The following COMMD9 variants were observed in gnomAD, a reference collection of about 807,000 sequenced individuals.
The protein encoded by COMMD9 is COMM domain containing 9, also known as COMM domain-containing protein 9.
A neutral mutation model predicts 23.4 loss-of-function variants in COMMD9; 22 were observed. The observed-to-expected ratio is 0.94, with a 90% CI of 0.67 to 1.34. The LOEUF (loss-of-function observed/expected upper bound fraction) is 1.34. COMMD9 is among the 40% of genes most tolerant of loss of function. The probability of loss-of-function intolerance (pLI) is 0.00; values close to 1 mark genes in which losing one functional copy is unlikely to be tolerated. For synonymous variants in COMMD9, 99 were observed against 97.4 expected (o/e 1.02, Z -0.10); for missense variants, 231 against 240.2 (o/e 0.96, Z 0.25).
At chr11:36,275,605 G>A (rs7124904) in intron 5 of COMMD9, among the ~76,000 whole-genome samples, 76,422 of 151,942 alleles carry the variant, frequency 0.5, 21,352 homozygotes, top group Non-Finnish European at 0.63. Flanking sequence ...CACCACGCCC[G>A]GCTTATTTTT....
intron 1 of COMMD9, among the ~76,000 whole-genome samples, chr11:36,285,542 C>T (rs182540981): frequency 2.6e-5 from 4 of 152,044 alleles, no homozygotes; most frequent in Admixed American, 6.6e-5. Flanking sequence ...ATACCAAAAC[C>T]GCACAAAATT....
At chr11:36,278,436 A>G in intron 3 of COMMD9, 41 bp downstream of exon 3, 1 of 1,542,134 alleles carries the variant, frequency 6.5e-7, no homozygotes. Flanking sequence ...ATAATAAGAA[A>G]TGTAAAAGTT....
At chr11:36,277,768 G>A (rs1006093099) in intron 3 of COMMD9, among the ~76,000 whole-genome samples, 3 of 151,982 alleles carry the variant, frequency 2.0e-5, no homozygotes, top group Admixed American at 2.0e-4. Flanking sequence ...AAAGATATCT[G>A]ACATCACTAG....
At chr11:36,288,648 T>C (rs1010442075) in intron 1 of COMMD9, among the ~76,000 whole-genome samples, 4 of 151,872 alleles carry the variant, frequency 2.6e-5, no homozygotes, top group East Asian at 1.9e-4. Context: ...TAAAAATACA[T>C]AAATTTGCCA....
chr11:36,274,109 G>A lies in COMMD9; in HGVS notation c.*523C>T. On this transcript the variant is annotated 3_prime_UTR_variant, in exon 6 of 6. Transcript: ENST00000263401. Reference sequence around the variant, plus strand: ...CTACACTGAAGAGGGGTTCCAGTATGGTGGAGGGGGCTCAGGGAACACTCT... The same window carrying A: ...CTACACTGAAGAGGGGTTCCAGTATAGTGGAGGGGGCTCAGGGAACACTCT... 2 of 374,802 alleles carry A rather than the reference G, an allele frequency of 5.3e-6. No homozygotes were observed. Among genetic ancestry groups the A allele is most frequent in the South Asian group, 1.9e-5 (1 of 51,522 alleles). 23.2% of individuals were successfully genotyped at this position (374,802 alleles called of 1,614,324 possible).
At chr11:36,276,983 G>T in intron 4 of COMMD9, 106 bp downstream of exon 4, 1 of 955,732 alleles carries the variant, frequency 1.0e-6, no homozygotes, top group Non-Finnish European at 1.5e-6. Flanking sequence ...GTTGAGACTA[G>T]AATGGTTCAC....
chr11:36,285,613 T>C (rs1368902865), intron 1 of COMMD9, among the ~76,000 whole-genome samples: 2 of 152,036 alleles, frequency 1.3e-5, no homozygotes, highest in Admixed American at 6.5e-5. Context: ...GCGAAAATTC[T>C]TAGAAAATAA....
chr11:36,286,045 G>A (rs1309561017), intron 1 of COMMD9, among the ~76,000 whole-genome samples: 1 of 152,006 alleles, frequency 6.6e-6, no homozygotes, highest in Non-Finnish European at 1.5e-5. Context: ...CTAAAATAAG[G>A]CAAGGAAAGG....
chr11:36,283,682 C>CA (rs1856102598), intron 1 of COMMD9, among the ~76,000 whole-genome samples: 1 of 151,940 alleles, frequency 6.6e-6, no homozygotes, highest in Non-Finnish European at 1.5e-5. Flanking sequence ...AGGCAGAAAA[C>CA]AAAAATAAAA....
Position 36,289,390 on chromosome 11 carries a change from T to A in COMMD9, c.23A>T (p.His8Leu), listed in dbSNP as rs767840422. The change falls in exon 1 of 6, where the codon CAT becomes CTT. Residue 8 changes from histidine to leucine, a missense_variant. Physicochemically the swap from His to Leu is moderately conservative, Grantham distance 99 (BLOSUM62 -3). Coordinates refer to ENST00000263401, the MANE Select transcript of COMMD9 (RefSeq NM_014186.4). Reference sequence around the variant, plus strand: ...GAGCAGGCTCTGGAGTGCTGCAAAATGCTCCGCTGTCAGGGCAGCCATCTT... The same window carrying A: ...GAGCAGGCTCTGGAGTGCTGCAAAAAGCTCCGCTGTCAGGGCAGCCATCTT... MAALTAE[H>L]FAALQSLLKA... 2.6e-6 allele frequency: 4 copies of A among 1,551,850 alleles called. No individual in the cohort carries two copies. The African/African-American group carries it at 4.1e-5, about 16-fold the overall frequency.
intron 5 of COMMD9, among the ~76,000 whole-genome samples, chr11:36,275,604 C>T (rs1000980098): frequency 1.3e-5 from 2 of 152,102 alleles, no homozygotes; most frequent in African/African-American, 2.4e-5. Context: ...CCACCACGCC[C>T]GGCTTATTTT....
Position 36,274,457 on chromosome 11 carries a change from G to T in COMMD9, c.*175C>A. On this transcript the variant is annotated 3_prime_UTR_variant, in exon 6 of 6. Coordinates refer to ENST00000263401, the MANE Select transcript of COMMD9 (RefSeq NM_014186.4). ...GAAAGAAGATGAGTGAGAACAGCGG[G>T]GGATCTGGCTGCTTCTTCCCAATCC... is the stretch of plus-strand genomic sequence containing the variant. 1 of 810,856 alleles carries T rather than the reference G, an allele frequency of 1.2e-6. No homozygotes were observed. Among genetic ancestry groups the T allele is most frequent in the East Asian group, 2.5e-5 (1 of 40,602 alleles). The allele number at this position is 810,856 out of a possible 1,614,324, so 50.2% of individuals were successfully genotyped here.
Position 36,274,653 on chromosome 11 carries a change from G to A in COMMD9, c.576C>T (p.Leu192=). The part of the protein sequence containing the change: ...LDGLGRIRDQ[L]SAVASK ...TGGATCATTTACTGGCCACGGCAGAGAGTTGGTCTCGGATGCGGCCCAGGC... is the reference window on the plus strand; with the variant it reads ...TGGATCATTTACTGGCCACGGCAGAAAGTTGGTCTCGGATGCGGCCCAGGC... Residue 192 remains leucine, a synonymous_variant, in exon 6 of 6, where the codon CTC becomes CTT. Coordinates refer to ENST00000263401, the MANE Select transcript of COMMD9 (RefSeq NM_014186.4). 1 of 1,614,282 alleles carries A rather than the reference G, an allele frequency of 6.2e-7. No individual in the cohort carries two copies.
Position 36,276,157 on chromosome 11 carries a change from T to A in COMMD9, c.436A>T (p.Thr146Ser). Residue 146 changes from threonine to serine, a missense_variant, in exon 5 of 6, where the codon ACC becomes TCC. Thr to Ser is a moderately conservative substitution (Grantham distance 58). Coordinates refer to ENST00000263401, the MANE Select transcript of COMMD9 (RefSeq NM_014186.4). Reference sequence around the variant, plus strand: ...TGTACCTTCATCTGGAGCAGGCAGGTGGGGACGGCCATGCGGCTGATGCTG... The same window carrying A: ...TGTACCTTCATCTGGAGCAGGCAGGAGGGGACGGCCATGCGGCTGATGCTG... Reference protein sequence around the residue: ...SDSISRMAVPTCLLQMKIQED... With the variant: ...SDSISRMAVPSCLLQMKIQED... 1 of 1,613,834 alleles carries A rather than the reference T, an allele frequency of 6.2e-7. No individual in the cohort carries two copies. Among genetic ancestry groups the A allele is most frequent in the Non-Finnish European group, 8.5e-7 (1 of 1,179,762 alleles).
At chr11:36,277,163 G>A in intron 3 of COMMD9, 40 bp from the exon 4 acceptor site, 1 of 1,510,464 alleles carries the variant, frequency 6.6e-7, no homozygotes. Flanking sequence ...TAATGGAAAG[G>A]GGATGAGACT....
intron 1 of COMMD9, among the ~76,000 whole-genome samples, chr11:36,283,345 T>C (rs541673736): frequency 1.3e-5 from 2 of 152,326 alleles, no homozygotes; most frequent in East Asian, 1.9e-4. Context: ...CTATTATGTT[T>C]GAAGGCTGAA....
At chr11:36,282,897 A>G (rs1441896442) in intron 1 of COMMD9, among the ~76,000 whole-genome samples, 1 of 152,208 alleles carries the variant, frequency 6.6e-6, no homozygotes, top group Non-Finnish European at 1.5e-5. Flanking sequence ...AGCTGATGGT[A>G]CAGCCCCTAG....
In COMMD9 at chr11:36,274,464, GGCT is replaced by G. The variant is rs1455538287; in HGVS notation, c.*165_*167del. On this transcript the variant is annotated 3_prime_UTR_variant, in exon 6 of 6. Coordinates refer to ENST00000263401, the MANE Select transcript of COMMD9 (RefSeq NM_014186.4). ...GATGAGTGAGAACAGCGGGGGATCTGGCTGCTTCTTCCCAATCCAACTGTAACT... is the reference window on the plus strand; with the variant it reads ...GATGAGTGAGAACAGCGGGGGATCTGGCTTCTTCCCAATCCAACTGTAACT... 2 of 841,164 alleles carry G rather than the reference GGCT, an allele frequency of 2.4e-6. No homozygotes were observed. Among genetic ancestry groups the G allele is most frequent in the Non-Finnish European group, 4.0e-6 (2 of 496,402 alleles). The allele number at this position is 841,164 out of a possible 1,614,324, so 52.1% of individuals were successfully genotyped here. A position where few individuals can be genotyped will look rare whatever the true frequency, so the allele number is the denominator to read the frequency against.
At chr11:36,279,510 G>A (rs1490523891) in intron 2 of COMMD9, among the ~76,000 whole-genome samples, 1 of 152,194 alleles carries the variant, frequency 6.6e-6, no homozygotes, top group South Asian at 2.1e-4. Context: ...CAGTGAGAGT[G>A]GGTGTTCATG....
Sources: allele counts gnomAD v4.1 joint callset (sites outside exome capture counted in the v4.1 genomes callset), GRCh38; gene constraint gnomAD v4.1.1; transcripts MANE v1.5; gene names NCBI Gene and HGNC (gene_info 2026-07-23, HGNC 2026-07-21).